VWA3B: variants seen among roughly 807,000 people sequenced by gnomAD.
VWA3B encodes von Willebrand factor A domain-containing protein 3B.
A neutral mutation model predicts 158.3 loss-of-function variants in VWA3B; 138 were observed. The ratio of observed to expected loss-of-function variants is 0.87; its 90% confidence interval spans 0.76 to 1.00. The LOEUF is 1.00. VWA3B is among the 50% of genes least tolerant of loss of function. The pLI is 0.00. For synonymous variants in VWA3B, 596 were observed against 587.3 expected, an observed-to-expected ratio of 1.01 and a Z score of -0.21; for missense variants, 1,555 against 1,565.1, an observed-to-expected ratio of 0.99 and a Z score of 0.11.
intron 13 of VWA3B, among the ~76,000 whole-genome samples, chr2:98,212,646 G>T (rs188151265): frequency 2.0e-5 from 3 of 152,166 alleles, no homozygotes; most frequent in Non-Finnish European, 4.4e-5. Context: ...GTGTCAACTC[G>T]CGTCCTTCCT....
chr2:98,156,543 T>C (rs1189614249), intron 7 of VWA3B, among the ~76,000 whole-genome samples: 3 of 152,082 alleles, frequency 2.0e-5, no homozygotes, highest in Non-Finnish European at 4.4e-5. Flanking sequence ...TGGTTCAGAG[T>C]TGGTTGATGG....
At chr2:98,133,483 C>T (rs1665905083) in intron 6 of VWA3B, among the ~76,000 whole-genome samples, 1 of 152,152 alleles carries the variant, frequency 6.6e-6, no homozygotes, top group Admixed American at 6.5e-5. Flanking sequence ...CTTGGCTAAG[C>T]TGTGTTGACA....
intron 12 of VWA3B, chr2:98,206,938 G>A (rs1683071678): frequency 4.3e-6 from 2 of 467,818 alleles, no homozygotes; most frequent in African/African-American, 2.0e-5. Flanking sequence ...TACCTCCAAG[G>A]TAATGCTGAT....
chr2:98,234,684 C>T lies in VWA3B; in HGVS notation c.2345C>T (p.Ser782Phe). Residue 782 changes from serine to phenylalanine, a missense_variant, in exon 17 of 28, where the codon TCC (serine) becomes TTC (phenylalanine). Transcript: ENST00000477737. ...TKTSLLRSQM[S>F]SLRSSACSER... The stretch of plus-strand genomic sequence containing the variant: ...ACCAGCCTGCTCAGAAGCCAGATGT[C>T]CTCCCTCAGGAGCTCAGCTTGCAGT... The T allele has an allele frequency of 6.2e-7, 1 of 1,614,180 alleles. No individual in the cohort carries two copies. The highest frequency in any genetic ancestry group is 8.5e-7 in the Non-Finnish European group (1 of 1,180,028).
chr2:98,188,235 G>C, intron 10 of VWA3B, 106 bp downstream of exon 10: 2 of 1,417,098 alleles, frequency 1.4e-6, no homozygotes, highest in Non-Finnish European at 1.9e-6. Flanking sequence ...CATAATGATT[G>C]TACCTATTTA....
chr2:98,260,328 A>G (rs1310849228), intron 21 of VWA3B, among the ~76,000 whole-genome samples: 1 of 151,708 alleles, frequency 6.6e-6, no homozygotes, highest in African/African-American at 2.4e-5. Context: ...GAAGTCTCCA[A>G]CTATTTTTAC....
intron 14 of VWA3B, among the ~76,000 whole-genome samples, chr2:98,226,952 A>G (rs964996504): frequency 2.6e-5 from 4 of 152,234 alleles, no homozygotes. Context: ...CTGAATGGGC[A>G]AAAGCCAGAA....
intron 10 of VWA3B, among the ~76,000 whole-genome samples, chr2:98,188,653 C>T (rs914611514): frequency 6.6e-6 from 1 of 152,178 alleles, no homozygotes; most frequent in African/African-American, 2.4e-5. Context: ...CTCATCCATG[C>T]TGCTGCGAAT....
chr2:98,129,096 AC>A (rs67406891), intron 6 of VWA3B, among the ~76,000 whole-genome samples: 64,677 of 151,972 alleles, frequency 0.43, 14,145 homozygotes, highest in African/African-American at 0.46. Flanking sequence ...GCTGGGAAGT[AC>A]TAGGTGAAGG....
intron 7 of VWA3B, among the ~76,000 whole-genome samples, chr2:98,148,235 C>T (rs1030898918): frequency 5.9e-5 from 9 of 152,204 alleles, no homozygotes; most frequent in Admixed American, 1.3e-4. Context: ...AATTCACACC[C>T]ATTTCACAGA....
In VWA3B at chr2:98,128,152, C is replaced by T. The variant is rs150236013; in HGVS notation, c.703-87C>T. 9.5e-6 allele frequency: 14 copies of T among 1,470,404 alleles called. No individual in the cohort carries two copies. In the East Asian group the frequency reaches 1.1e-4, roughly 12 times the overall value. The allele number at this position is 1,470,404 out of a possible 1,614,324, so 91.1% of individuals were successfully genotyped here. On this transcript the variant is annotated intron_variant, in intron 5 of 27. Coordinates refer to ENST00000477737, the MANE Select transcript of VWA3B (RefSeq NM_144992.5). ...TTTCTGCCCATTTTTTCTAAGAGAT[C>T]GTTTTGTAGAATGGGTATTACTGAT...
At chr2:98,250,542 C>T in intron 20 of VWA3B, 106 bp downstream of exon 20, 1 of 948,352 alleles carries the variant, frequency 1.1e-6, no homozygotes. Context: ...AATGAAGCAG[C>T]TATTTAAAAA....
intron 4 of VWA3B, 30 bp from the exon 5 acceptor site, chr2:98,121,269 C>G (rs1224779262): frequency 6.2e-7 from 1 of 1,603,144 alleles, no homozygotes; most frequent in African/African-American, 1.3e-5. Flanking sequence ...TGATCACTGC[C>G]CAGTGACCAC....
chr2:98,142,118 A>G (rs1051248257), intron 7 of VWA3B, among the ~76,000 whole-genome samples: 4 of 152,196 alleles, frequency 2.6e-5, no homozygotes, highest in African/African-American at 4.8e-5. Flanking sequence ...GTGTTTATGC[A>G]TCAGGAGGTG....
chr2:98,254,767 C>T (rs917053088), intron 20 of VWA3B, among the ~76,000 whole-genome samples: 2 of 152,158 alleles, frequency 1.3e-5, no homozygotes, highest in African/African-American at 2.4e-5. Context: ...GAGAAGAAGC[C>T]GACTGAGCTT....
At chr2:98,243,547 G>C (rs1558718621) in intron 19 of VWA3B, among the ~76,000 whole-genome samples, 2 of 152,098 alleles carry the variant, frequency 1.3e-5, no homozygotes, top group Non-Finnish European at 2.9e-5. Flanking sequence ...TATTGGCCAA[G>C]CTGGTCTTGA....
intron 13 of VWA3B, among the ~76,000 whole-genome samples, chr2:98,212,376 G>C (rs1683600339): frequency 6.6e-6 from 1 of 152,108 alleles, no homozygotes; most frequent in African/African-American, 2.4e-5. Context: ...TTTTCCTCTA[G>C]AGACTCTGAA....
Position 98,300,114 on chromosome 2 carries a change from C to G in VWA3B, c.3318C>G (p.Pro1106=). 1 of 1,614,216 alleles carries G rather than the reference C, an allele frequency of 6.2e-7. No homozygotes were observed. Among genetic ancestry groups the G allele is most frequent in the Non-Finnish European group, 8.5e-7 (1 of 1,180,052 alleles). Residue 1106 remains proline (P), a synonymous_variant, in exon 25 of 28, where the codon CCC becomes CCG. Coordinates refer to ENST00000477737, the MANE Select transcript of VWA3B (RefSeq NM_144992.5). The part of the protein sequence containing the change: ...GDYVFAKIVI[P]KGFDFYVPAI... The stretch of plus-strand genomic sequence containing the variant: ...ATGTGTTTGCCAAAATTGTGATACC[C>G]AAAGGATTTGACTTCTATGTCCCTG...
chr2:98,326,913 A>C, the VWA3B span, among the ~76,000 whole-genome samples: 1 of 152,132 alleles, frequency 6.6e-6, no homozygotes, highest in East Asian at 1.9e-4. Context: ...AGCTTTGAGA[A>C]GAAGGCTGCC....
Sources: allele counts gnomAD v4.1 joint callset (sites outside exome capture counted in the v4.1 genomes callset), GRCh38; gene constraint gnomAD v4.1.1; transcripts MANE v1.5; gene names NCBI Gene and HGNC (gene_info 2026-07-23, HGNC 2026-07-21).